Variants in ANAPC10 observed in about 807,000 individuals in gnomAD.
ANAPC10 encodes the protein anaphase-promoting complex subunit 10.
Under a neutral mutation model 22.0 loss-of-function variants are expected in ANAPC10, and 12 were observed. That is an observed-to-expected ratio of 0.55 (90% CI 0.35 to 0.88). The LOEUF is 0.88. ANAPC10 is among the 40% of genes least tolerant of loss of function. The pLI, the probability that ANAPC10 is intolerant of heterozygous loss-of-function variation, is 0.01. For synonymous variants in ANAPC10, 65 were observed against 69.5 expected, an observed-to-expected ratio of 0.94 and a Z score of 0.32; for missense variants, 188 against 220.9, an observed-to-expected ratio of 0.85 and a Z score of 0.94.
At chr4:145,011,454 CA>C (rs1217241971) in intron 4 of ANAPC10, among the ~76,000 whole-genome samples, 3 of 151,914 alleles carry the variant, frequency 2.0e-5, no homozygotes, top group Non-Finnish European at 2.9e-5. Context: ...ATAGGTAAAA[CA>C]TAAAAATTAT....
At chr4:145,078,668 C>T (rs1745530524) in intron 3 of ANAPC10, among the ~76,000 whole-genome samples, 1 of 152,086 alleles carries the variant, frequency 6.6e-6, no homozygotes, top group Non-Finnish European at 1.5e-5. Flanking sequence ...GGTACTGGTA[C>T]AAAAACAGAC....
chr4:145,061,717 T>C (rs1461261011), intron 4 of ANAPC10, among the ~76,000 whole-genome samples: 6 of 152,154 alleles, frequency 3.9e-5, no homozygotes, highest in Non-Finnish European at 8.8e-5. Context: ...AATGTGAAAT[T>C]TTTAATAAAA....
At chr4:145,005,928 C>T (rs1208495679) in intron 4 of ANAPC10, among the ~76,000 whole-genome samples, 2 of 152,086 alleles carry the variant, frequency 1.3e-5, no homozygotes, top group African/African-American at 4.8e-5. Flanking sequence ...AATGTATATT[C>T]TGCTGTTTTG....
intron 4 of ANAPC10, among the ~76,000 whole-genome samples, chr4:144,996,834 C>T (rs936470307): frequency 4.6e-5 from 7 of 152,052 alleles, no homozygotes; most frequent in African/African-American, 1.7e-4. Context: ...AAGCTAAAAA[C>T]CTTGAAAAAA....
intron 4 of ANAPC10, among the ~76,000 whole-genome samples, chr4:145,048,249 A>G (rs1169746728): frequency 6.6e-6 from 1 of 152,198 alleles, no homozygotes; most frequent in Non-Finnish European, 1.5e-5. Context: ...TACATGAGTG[A>G]TCAAGATGAT....
At chr4:145,096,158 C>T (rs756377117) in intron 1 of ANAPC10, 47 bp from the exon 2 acceptor site, 4 of 1,577,828 alleles carry the variant, frequency 2.5e-6, no homozygotes, top group Non-Finnish European at 3.4e-6. Flanking sequence ...AACTGGGCAT[C>T]TTTCTACAAA....
At chr4:145,039,094 C>T (rs62343151) in intron 4 of ANAPC10, among the ~76,000 whole-genome samples, 5,757 of 121,696 alleles carry the variant, frequency 0.047, 115 homozygotes, top group Non-Finnish European at 0.071. Flanking sequence ...ACAGATACTT[C>T]TGATGACGAG....
intron 2 of ANAPC10, among the ~76,000 whole-genome samples, chr4:145,084,947 G>C (rs1479947177): frequency 6.6e-6 from 1 of 152,044 alleles, no homozygotes; most frequent in African/African-American, 2.4e-5. Context: ...CATGAAACTT[G>C]TATATATATT....
intron 4 of ANAPC10, among the ~76,000 whole-genome samples, chr4:145,053,972 A>C (rs1167323347): frequency 6.6e-6 from 1 of 151,612 alleles, no homozygotes; most frequent in Non-Finnish European, 1.5e-5. Flanking sequence ...GCAGTGGTGC[A>C]ATCTCAGCTC....
intron 4 of ANAPC10, among the ~76,000 whole-genome samples, chr4:145,009,813 T>C (rs1019003623): frequency 1.3e-5 from 2 of 152,118 alleles, no homozygotes; most frequent in African/African-American, 4.8e-5. Flanking sequence ...AAAGCCAAAA[T>C]TGACAAATGG....
chr4:145,005,789 G>C (rs958569467), intron 4 of ANAPC10, among the ~76,000 whole-genome samples: 1 of 151,990 alleles, frequency 6.6e-6, no homozygotes, highest in African/African-American at 2.4e-5. Flanking sequence ...TCTTAGTATT[G>C]ATTTCTATCT....
At chr4:145,096,167 A>G (rs1209571699) in intron 1 of ANAPC10, 56 bp from the exon 2 acceptor site, 51 of 1,568,868 alleles carry the variant, frequency 3.3e-5, no homozygotes, top group Non-Finnish European at 4.2e-5. Context: ...TCTTTCTACA[A>G]AAGTTTTTTA....
At chr4:145,023,210 T>C (rs916908496) in intron 4 of ANAPC10, among the ~76,000 whole-genome samples, 2 of 152,084 alleles carry the variant, frequency 1.3e-5, no homozygotes, top group African/African-American at 2.4e-5. Context: ...ATTCCATCTA[T>C]GCAAAGTGAA....
At chr4:145,097,496 G>T in intron 1 of ANAPC10, 1 of 1,287,154 alleles carries the variant, frequency 7.8e-7, no homozygotes, top group Non-Finnish European at 1.0e-6. Flanking sequence ...TCTGCATACC[G>T]TTTCCTTGAC....
At chr4:145,017,905 G>A (rs1446947950) in intron 4 of ANAPC10, among the ~76,000 whole-genome samples, 1 of 147,516 alleles carries the variant, frequency 6.8e-6, no homozygotes, top group South Asian at 2.1e-4. Flanking sequence ...ACTGATAGCT[G>A]GGAACTGAAA....
intron 2 of ANAPC10, among the ~76,000 whole-genome samples, chr4:145,090,242 T>C (rs1053635783): frequency 1.3e-5 from 2 of 152,230 alleles, no homozygotes; most frequent in Non-Finnish European, 2.9e-5. Flanking sequence ...TAATACCTAA[T>C]ATAATGTAAA....
At chr4:145,062,883 GA>G (rs1400746316) in intron 4 of ANAPC10, among the ~76,000 whole-genome samples, 1 of 152,084 alleles carries the variant, frequency 6.6e-6, no homozygotes, top group African/African-American at 2.4e-5. Context: ...TGGAACTGGA[GA>G]ACACTATTGT....
intron 3 of ANAPC10, among the ~76,000 whole-genome samples, chr4:145,076,996 G>A (rs1421020672): frequency 2.6e-5 from 4 of 152,116 alleles, no homozygotes; most frequent in African/African-American, 9.7e-5. Context: ...TCAGGAGATC[G>A]AGACCATTCT....
chr4:145,083,989 G>A (rs1353715112), intron 2 of ANAPC10, among the ~76,000 whole-genome samples: 3 of 130,682 alleles, frequency 2.3e-5, no homozygotes, highest in South Asian at 2.4e-4. Flanking sequence ...TTTTCTTTTT[G>A]AGACAGGGTC....
Sources: gnomAD v4.1 joint callset for allele counts (sites outside exome capture counted in the v4.1 genomes callset) on GRCh38, gnomAD v4.1.1 for gene constraint, MANE v1.5 for transcripts, NCBI Gene and HGNC (gene_info 2026-07-23, HGNC 2026-07-21) for gene names.